The following SRBD1 variants were observed in gnomAD, a reference collection of about 807,000 sequenced individuals.
The protein encoded by SRBD1 is S1 RNA binding domain 1.
SRBD1 carries 88 observed loss-of-function variants against 115.3 expected under a neutral mutation model. That is an observed-to-expected ratio of 0.76 (90% CI 0.64 to 0.91). The LOEUF is 0.91. Ranked by LOEUF, SRBD1 falls within the 40% of genes least tolerant of loss-of-function variation. The probability of loss-of-function intolerance (pLI) is 0.00; values close to 1 mark genes in which losing one functional copy is unlikely to be tolerated. For synonymous variants in SRBD1, 509 were observed against 407.7 expected (o/e 1.25, Z -2.99); for missense variants, 1,385 against 1,177.4 (o/e 1.18, Z -2.58).
At chr2:45,500,228 CTGTGTGTGTG>C (rs60622580) in intron 14 of SRBD1, among the ~76,000 whole-genome samples, 2 of 146,558 alleles carry the variant, frequency 1.4e-5, no homozygotes, top group Middle Eastern at 3.5e-3. Flanking sequence ...TAAATTTATC[CTGTGTGTGTG>C]TGTGTGTGTG....
chr2:45,521,908 T>C (rs959567854), intron 14 of SRBD1, among the ~76,000 whole-genome samples: 1 of 151,288 alleles, frequency 6.6e-6, no homozygotes, highest in African/African-American at 2.4e-5. Context: ...ATTGAGGCTG[T>C]AGTGAGCCAT....
chr2:45,450,635 T>C (rs1355856008), intron 16 of SRBD1, among the ~76,000 whole-genome samples: 2 of 152,132 alleles, frequency 1.3e-5, no homozygotes, highest in East Asian at 3.9e-4. Context: ...TATACGTCAA[T>C]TAAAGCAATT....
At chr2:45,474,165 C>G (rs940160934) in intron 16 of SRBD1, among the ~76,000 whole-genome samples, 5 of 152,196 alleles carry the variant, frequency 3.3e-5, no homozygotes, top group South Asian at 2.1e-4. Context: ...TCTCTTTTCT[C>G]TCTATGAATC....
chr2:45,400,756 TA>T lies in SRBD1; in HGVS notation c.2514-7628del, dbSNP rs535951821. Among the ~76,000 whole-genome samples, 10 of 152,232 alleles carry T rather than the reference TA, an allele frequency of 6.6e-5. No homozygotes were observed. In the East Asian group the frequency reaches 1.5e-3, roughly 24 times the overall value. On this transcript the variant is annotated intron_variant, in intron 19 of 20. Coordinates refer to ENST00000263736, the MANE Select transcript of SRBD1 (RefSeq NM_018079.5). Reference sequence around the variant, plus strand: ...AGTATTCTACATATATTAATTAATATAACCCCATGAGATATGGTACTATTAT... The same window carrying T: ...AGTATTCTACATATATTAATTAATATACCCCATGAGATATGGTACTATTAT...
chr2:45,497,961 A>T (rs1389902378), intron 14 of SRBD1, among the ~76,000 whole-genome samples: 1 of 152,034 alleles, frequency 6.6e-6, no homozygotes, highest in Non-Finnish European at 1.5e-5. Context: ...TTGAGATCGC[A>T]CCACAGCACC....
chr2:45,545,311 A>AAAAAAAAAC (rs1558468100), intron 14 of SRBD1, among the ~76,000 whole-genome samples: 1 of 143,628 alleles, frequency 7.0e-6, no homozygotes, highest in African/African-American at 2.7e-5. Context: ...AAAAAAAAAA[A>AAAAAAAAAC]AAAACAGATG....
chr2:45,502,985 A>G (rs1041514983), intron 14 of SRBD1, among the ~76,000 whole-genome samples: 4 of 152,238 alleles, frequency 2.6e-5, no homozygotes, highest in African/African-American at 7.2e-5. Flanking sequence ...GCGCCCAGCA[A>G]AAGTTTTTAA....
At chr2:45,444,053 G>T (rs897345970) in intron 16 of SRBD1, among the ~76,000 whole-genome samples, 14 of 152,066 alleles carry the variant, frequency 9.2e-5, no homozygotes, top group African/African-American at 3.4e-4. Context: ...AAGTTTTAAA[G>T]TTCTTCAACA....
intron 9 of SRBD1, 106 bp from the exon 10 acceptor site, chr2:45,562,862 C>A: frequency 8.0e-6 from 5 of 627,436 alleles, no homozygotes; most frequent in Admixed American, 6.9e-5. Context: ...GTTTATTAAA[C>A]AAGAATACAT....
chr2:45,470,897 C>A (rs1322642644), intron 16 of SRBD1, among the ~76,000 whole-genome samples: 1 of 152,100 alleles, frequency 6.6e-6, no homozygotes, highest in African/African-American at 2.4e-5. Context: ...TGGAACGCTG[C>A]CTTTAGCATT....
intron 14 of SRBD1, among the ~76,000 whole-genome samples, chr2:45,500,274 T>C (rs1345032056): frequency 6.6e-6 from 1 of 150,608 alleles, no homozygotes; most frequent in African/African-American, 2.5e-5. Context: ...ATTCTGTGCA[T>C]GTCTCTGTGT....
At position 45,513,358 on chromosome 2, in the gene SRBD1, T is replaced by G. The variant is rs543032746; in HGVS notation, c.1875-25027A>C. ...ATATATGGTATGTAGTCTAGTAGTC[T>G]AGTTATGTAACAAGGGCTAGATTAC... On this transcript the variant is annotated intron_variant, in intron 14 of 20. Coordinates refer to ENST00000263736, the MANE Select transcript of SRBD1 (RefSeq NM_018079.5). Among the ~76,000 whole-genome samples, 48 of 151,954 alleles carry G rather than the reference T, an allele frequency of 3.2e-4. No individual in the cohort carries two copies. The South Asian group carries it at 4.4e-3, about 14-fold the overall frequency.
intron 16 of SRBD1, among the ~76,000 whole-genome samples, chr2:45,429,224 G>T (rs904129182): frequency 1.3e-5 from 2 of 152,002 alleles, no homozygotes; most frequent in South Asian, 4.2e-4. Context: ...GGTACAAAGA[G>T]GAGGCAGTAC....
At chr2:45,414,500 T>TGTGTGTGTACACACAGTGTGTATATA (rs1558562761) in intron 18 of SRBD1, among the ~76,000 whole-genome samples, 6 of 148,954 alleles carry the variant, frequency 4.0e-5, no homozygotes, top group African/African-American at 1.3e-4. Flanking sequence ...GTGTATATAG[T>TGTGTGTGTACACACAGTGTGTATATA]GTGTGTGTAC....
At chr2:45,431,887 C>A (rs1478000592) in intron 16 of SRBD1, among the ~76,000 whole-genome samples, 1 of 152,162 alleles carries the variant, frequency 6.6e-6, no homozygotes, top group East Asian at 1.9e-4. Flanking sequence ...ACTCTTCTAG[C>A]AGCTATTTAT....
At chr2:45,405,754 A>AAAAAAGTTAAGAATGG (rs1553382274) in intron 19 of SRBD1, among the ~76,000 whole-genome samples, 1 of 151,772 alleles carries the variant, frequency 6.6e-6, no homozygotes, top group African/African-American at 2.4e-5. Flanking sequence ...CAGAATGGGT[A>AAAAAAGTTAAGAATGG]AAAGAGACGA....
intron 14 of SRBD1, among the ~76,000 whole-genome samples, chr2:45,509,467 G>C (rs1670897058): frequency 6.6e-6 from 1 of 151,836 alleles, no homozygotes; most frequent in South Asian, 2.1e-4. Context: ...GCGGTGGTGG[G>C]CGCCTGCAGT....
At chr2:45,414,777 CACACACACAT>C (rs1667742733) in intron 18 of SRBD1, among the ~76,000 whole-genome samples, 7 of 78,752 alleles carry the variant, frequency 8.9e-5, no homozygotes, top group East Asian at 8.3e-4. Flanking sequence ...ATAGTATGTA[CACACACACAT>C]AGTGTGTATA....
At chr2:45,527,639 T>A (rs1387546664) in intron 14 of SRBD1, among the ~76,000 whole-genome samples, 3 of 151,886 alleles carry the variant, frequency 2.0e-5, no homozygotes, top group Admixed American at 1.3e-4. Context: ...CCATTCTAAG[T>A]ATTTTTCAAT....
Sources: gnomAD v4.1 joint callset for allele counts (sites outside exome capture counted in the v4.1 genomes callset) on GRCh38, gnomAD v4.1.1 for gene constraint, MANE v1.5 for transcripts, NCBI Gene and HGNC (gene_info 2026-07-23, HGNC 2026-07-21) for gene names.